The following GABRB3 variants were observed in gnomAD, a reference collection of about 807,000 sequenced individuals.
GABRB3 encodes the protein gamma-aminobutyric acid type A receptor subunit beta3, also known as gamma-aminobutyric acid receptor subunit beta-3.
GABRB3 carries 14 observed loss-of-function variants against 52.1 expected under a neutral mutation model. That is an observed-to-expected ratio of 0.27 (90% CI 0.18 to 0.42). GABRB3 has a LOEUF of 0.42. Among genes scored for constraint, GABRB3 ranks in the 10% least tolerant of loss-of-function variants. The pLI is 1.00. For missense variants in GABRB3, 307 were observed against 609.1 expected (o/e 0.50, Z 5.22); for synonymous variants, 260 against 232.3 (o/e 1.12, Z -1.08).
intron 3 of GABRB3, among the ~76,000 whole-genome samples, chr15:26,706,391 A>G (rs1889103417): frequency 6.6e-6 from 1 of 152,098 alleles, no homozygotes; most frequent in Admixed American, 6.5e-5. Flanking sequence ...TGTTATTTTC[A>G]AAAACCTAGG....
intron 3 of GABRB3, among the ~76,000 whole-genome samples, chr15:26,748,778 T>C (rs560159488): frequency 1.3e-5 from 2 of 151,980 alleles, no homozygotes; most frequent in Non-Finnish European, 2.9e-5. Context: ...GTAATCCCAG[T>C]ACTTTGGGAG....
At chr15:26,654,784 T>C (rs1442156202) in intron 3 of GABRB3, among the ~76,000 whole-genome samples, 3 of 152,060 alleles carry the variant, frequency 2.0e-5, no homozygotes, top group Non-Finnish European at 2.9e-5. Flanking sequence ...GGAGGTTCAA[T>C]TTCATTTATC....
intron 4 of GABRB3, among the ~76,000 whole-genome samples, chr15:26,594,282 T>A (rs1048708615): frequency 1.3e-5 from 2 of 151,990 alleles, no homozygotes; most frequent in Admixed American, 1.3e-4. Flanking sequence ...GTGATTTTTT[T>A]TCCCCTGAAA....
chr15:26,621,376 T>G lies in GABRB3; in HGVS notation c.399A>C (p.Gly133=). The G allele has an allele frequency of 6.2e-7, 1 of 1,614,102 alleles. No individual in the cohort carries two copies. The highest frequency in any genetic ancestry group is 8.5e-7 in the Non-Finnish European group (1 of 1,180,024). The change falls in exon 4 of 9, where the codon GGA becomes GGC. Residue 133 remains glycine (G), a synonymous_variant. Transcript: ENST00000311550. This position sits in a 1 kb window ranked among gnomAD's most constrained non-coding sequence, Gnocchi z 4.1. ...GGATCATGCGGTTTTTCACTGTCAC[T>G]CCATGCACAAATGACTTTTTGTCAT... is the stretch of plus-strand genomic sequence containing the variant. ...FLNDKKSFVH[G]VTVKNRMIRL... is the part of the protein sequence containing the mutation.
chr15:26,737,718 A>G (rs1025170339), intron 3 of GABRB3, among the ~76,000 whole-genome samples: 2 of 152,174 alleles, frequency 1.3e-5, no homozygotes, highest in African/African-American at 2.4e-5. Context: ...GGATGTGGAC[A>G]GGGTACCACT....
intron 4 of GABRB3, chr15:26,615,597 G>T: frequency 1.8e-6 from 1 of 559,356 alleles, no homozygotes; most frequent in Non-Finnish European, 2.3e-6. Context: ...CAGAGTTAAG[G>T]ATTAATGATT....
chr15:26,554,451 T>C lies in GABRB3; in HGVS notation c.1081-6317A>G, dbSNP rs531724191. On this transcript the variant is annotated intron_variant, in intron 8 of 8. Coordinates refer to ENST00000311550, the MANE Select transcript of GABRB3 (RefSeq NM_000814.6). ...TGAAATACCAAGGGGAGGAATGTCT[T>C]TTCTTAAAGGAAGAAAGGGGAGTAT... 2.0e-5 allele frequency among the ~76,000 whole-genome samples: 3 copies of C among 152,062 alleles called. No homozygotes were observed. The East Asian group carries it at 5.8e-4, about 30-fold the overall frequency.
intron 3 of GABRB3, among the ~76,000 whole-genome samples, chr15:26,724,917 C>A (rs1268514322): frequency 6.6e-6 from 1 of 152,158 alleles, no homozygotes; most frequent in African/African-American, 2.4e-5. Flanking sequence ...AGGCTGCAAC[C>A]CTTTATGAGA....
chr15:26,595,177 T>G (rs1190388034), intron 4 of GABRB3, among the ~76,000 whole-genome samples: 1 of 152,206 alleles, frequency 6.6e-6, no homozygotes, highest in African/African-American at 2.4e-5. Flanking sequence ...AGGTTTGTCT[T>G]CACCCTGTAG....
At position 26,545,457 on chromosome 15, in the gene GABRB3, A is replaced by T. The variant is rs764520623; in HGVS notation, c.*2336T>A. The T allele has an allele frequency of 6.6e-6, 1 of 152,608 alleles. No individual in the cohort carries two copies. The highest frequency in any genetic ancestry group is 1.5e-5 in the Non-Finnish European group (1 of 68,028). 9.5% of individuals were successfully genotyped at this position (152,608 alleles called of 1,614,324 possible). The stretch of plus-strand genomic sequence containing the variant: ...TCAACTATGCATCAAAAAAGTTTTA[A>T]ATCACTTTTCTCCCAGAAAGAATTA... On this transcript the variant is annotated 3_prime_UTR_variant, in exon 9 of 9. Transcript: ENST00000311550.
intron 3 of GABRB3, among the ~76,000 whole-genome samples, chr15:26,649,881 G>A (rs1887143686): frequency 6.6e-6 from 1 of 152,092 alleles, no homozygotes; most frequent in Non-Finnish European, 1.5e-5. Context: ...ATAATGTTTT[G>A]TAATTTCCGA....
chr15:26,615,536 T>A, intron 4 of GABRB3: 1 of 770,130 alleles, frequency 1.3e-6, no homozygotes, highest in Non-Finnish European at 1.6e-6. Flanking sequence ...AAGAATGTGA[T>A]CACTCTCAAG....
At chr15:26,598,495 A>G (rs1233949785) in intron 4 of GABRB3, among the ~76,000 whole-genome samples, 1 of 152,162 alleles carries the variant, frequency 6.6e-6, no homozygotes, top group Non-Finnish European at 1.5e-5. Context: ...ATATTGAAAC[A>G]AGCCTGAGAC....
intron 4 of GABRB3, among the ~76,000 whole-genome samples, chr15:26,587,652 T>C (rs1566760896): frequency 6.6e-6 from 1 of 152,096 alleles, no homozygotes; most frequent in Admixed American, 6.6e-5. Flanking sequence ...GGAGTTGCGT[T>C]AAGGTTGAGA....
chr15:26,659,041 A>G (rs1336139108), intron 3 of GABRB3, among the ~76,000 whole-genome samples: 2 of 151,968 alleles, frequency 1.3e-5, no homozygotes, highest in African/African-American at 4.8e-5. Flanking sequence ...GGCTGCATCC[A>G]CTCTATTTTG....
Position 26,619,525 on chromosome 15 carries a change from G to T in GABRB3, c.461+1789C>A, listed in dbSNP as rs1892392286. 4.3e-5 allele frequency among the ~76,000 whole-genome samples: 5 copies of T among 116,958 alleles called. No individual in the cohort carries two copies. In the South Asian group the frequency reaches 1.8e-3, roughly 42 times the overall value. The allele number at this position is 116,958 out of a possible 152,430, so 76.7% of individuals were successfully genotyped here. A position where few individuals can be genotyped will look rare whatever the true frequency, so the allele number is the denominator to read the frequency against. On this transcript the variant is annotated intron_variant, in intron 4 of 8. Transcript: ENST00000311550. ...ACACTCTGGGGACTGTTGTGGGGTGGGGGGAGGGGGGAGGGATAGCATTGG... is the reference window on the plus strand; with the variant it reads ...ACACTCTGGGGACTGTTGTGGGGTGTGGGGAGGGGGGAGGGATAGCATTGG...
intron 3 of GABRB3, chr15:26,624,755 G>C (rs1595493043): frequency 4.1e-6 from 4 of 985,286 alleles, no homozygotes; most frequent in East Asian, 1.1e-4. Flanking sequence ...TTTTTTTCTG[G>C]GATACTTACT....
rs534171894 is a variant in GABRB3 at position 26,555,912 on chromosome 15, T to A, written c.1080+5020A>T. Among the ~76,000 whole-genome samples, 71 of 152,346 alleles carry A rather than the reference T, an allele frequency of 4.7e-4. 2 individuals are homozygous for A. In the South Asian group the frequency reaches 0.014, roughly 30 times the overall value. ...TTTCCACAAAAATTACTCATGGATTTTTTTTTCTGAAAGAACTAAAGGGTT... is the reference window on the plus strand; with the variant it reads ...TTTCCACAAAAATTACTCATGGATTATTTTTTCTGAAAGAACTAAAGGGTT... On this transcript the variant is annotated intron_variant, in intron 8 of 8. Transcript: ENST00000311550.
At chr15:26,554,159 A>T (rs1420878933) in intron 8 of GABRB3, among the ~76,000 whole-genome samples, 4 of 19,848 alleles carry the variant, frequency 2.0e-4, no homozygotes, top group African/African-American at 5.2e-4. Flanking sequence ...TATATATATA[A>T]AGTATATATA....
Sources: allele counts gnomAD v4.1 joint callset (sites outside exome capture counted in the v4.1 genomes callset), GRCh38; gene constraint gnomAD v4.1.1; non-coding constraint Gnocchi (gnomAD v3.1); transcripts MANE v1.5; gene names NCBI Gene and HGNC (gene_info 2026-07-23, HGNC 2026-07-21).